NAALADL2: variants seen among roughly 807,000 people sequenced by gnomAD.
The protein encoded by NAALADL2 is inactive N-acetylated-alpha-linked acidic dipeptidase-like protein 2.
Under a neutral mutation model 87.2 loss-of-function variants are expected in NAALADL2, and 76 were observed. The observed-to-expected ratio is 0.87, with a 90% CI of 0.72 to 1.05. NAALADL2 has a LOEUF of 1.05. Ranked by LOEUF, NAALADL2 falls within the 50% of genes least tolerant of loss-of-function variation. The probability of loss-of-function intolerance (pLI) is 0.00; values close to 1 mark genes in which losing one functional copy is unlikely to be tolerated. For missense variants in NAALADL2, 1,089 were observed against 945.8 expected, an observed-to-expected ratio of 1.15 and a Z score of -1.99; for synonymous variants, 354 against 331.0, an observed-to-expected ratio of 1.07 and a Z score of -0.75.
At chr3:175,322,792 C>A (rs1298625267) in intron 4 of NAALADL2, among the ~76,000 whole-genome samples, 1 of 147,298 alleles carries the variant, frequency 6.8e-6, no homozygotes, top group Admixed American at 6.7e-5. Flanking sequence ...TATGAGATAC[C>A]ATCTCACACC....
intron 5 of NAALADL2, among the ~76,000 whole-genome samples, chr3:175,408,256 T>A (rs1224097014): frequency 2.0e-5 from 3 of 152,022 alleles, no homozygotes; most frequent in African/African-American, 7.2e-5. Flanking sequence ...TATTTCAAAA[T>A]TGATAAAAGA....
chr3:175,802,874 C>T (rs991775455), intron 13 of NAALADL2, 131 bp from the exon 14 acceptor site: 1 of 606,002 alleles, frequency 1.7e-6, no homozygotes. Context: ...GTTGAAAAAT[C>T]GTGATATTAT....
intron 1 of NAALADL2, among the ~76,000 whole-genome samples, chr3:174,448,941 C>T (rs1201362625): frequency 6.6e-6 from 1 of 152,094 alleles, no homozygotes; most frequent in Non-Finnish European, 1.5e-5. Flanking sequence ...GTAACTTTCT[C>T]AAGTTTTAAG....
At chr3:175,520,589 C>T (rs528500197) in intron 9 of NAALADL2, among the ~76,000 whole-genome samples, 41 of 152,230 alleles carry the variant, frequency 2.7e-4, no homozygotes, top group African/African-American at 7.0e-4. Context: ...TGAGCCACCG[C>T]GCCCGGCCCA....
At chr3:175,317,262 T>C (rs781212015) in intron 4 of NAALADL2, among the ~76,000 whole-genome samples, 5 of 152,072 alleles carry the variant, frequency 3.3e-5, no homozygotes, top group Non-Finnish European at 5.9e-5. Flanking sequence ...TTCATGAACA[T>C]TGAACAGTCA....
intron 1 of NAALADL2, among the ~76,000 whole-genome samples, chr3:174,946,856 A>G (rs184605708): frequency 3.3e-5 from 5 of 152,328 alleles, no homozygotes; most frequent in African/African-American, 1.2e-4. Flanking sequence ...ATATTCATTT[A>G]TATTGAACAT....
At chr3:175,699,884 T>G (rs1431865985) in intron 11 of NAALADL2, among the ~76,000 whole-genome samples, 1 of 152,126 alleles carries the variant, frequency 6.6e-6, no homozygotes, top group Non-Finnish European at 1.5e-5. Context: ...AACAATATTA[T>G]ACTTGTAATG....
chr3:175,337,205 C>CTTGG (rs1401006450), intron 5 of NAALADL2, among the ~76,000 whole-genome samples: 4 of 148,580 alleles, frequency 2.7e-5, no homozygotes, highest in African/African-American at 9.8e-5. Flanking sequence ...TCAAAAGAGT[C>CTTGG]TTGGTTGGTC....
intron 3 of NAALADL2, among the ~76,000 whole-genome samples, chr3:174,800,150 G>T (rs968011912): frequency 2.6e-5 from 4 of 152,156 alleles, no homozygotes; most frequent in African/African-American, 7.2e-5. Flanking sequence ...TTTCTGATGA[G>T]AAATTCAAAC....
chr3:174,609,135 A>C (rs922249394), intron 2 of NAALADL2, among the ~76,000 whole-genome samples: 7 of 152,196 alleles, frequency 4.6e-5, no homozygotes, highest in African/African-American at 1.4e-4. Flanking sequence ...AAAAACTCTC[A>C]ATAAATTAGG....
At chr3:175,338,353 T>C (rs1414906144) in intron 5 of NAALADL2, among the ~76,000 whole-genome samples, 6 of 151,890 alleles carry the variant, frequency 4.0e-5, no homozygotes, top group Non-Finnish European at 7.4e-5. Context: ...AACCTTTTTT[T>C]AAAAGCCTAC....
At chr3:175,073,798 T>C (rs1484179877) in intron 1 of NAALADL2, among the ~76,000 whole-genome samples, 1 of 152,006 alleles carries the variant, frequency 6.6e-6, no homozygotes, top group Admixed American at 6.6e-5. Context: ...ATTATTTTAT[T>C]ATTAGTTTGA....
intron 1 of NAALADL2, among the ~76,000 whole-genome samples, chr3:175,054,824 C>T (rs1338346005): frequency 3.9e-5 from 6 of 152,136 alleles, no homozygotes; most frequent in African/African-American, 1.2e-4. Context: ...ACTTTGAGGG[C>T]TGTATAACTG....
intron 5 of NAALADL2, among the ~76,000 whole-genome samples, chr3:175,392,239 G>T (rs76276971): frequency 1.3e-5 from 2 of 152,144 alleles, no homozygotes; most frequent in African/African-American, 4.8e-5. Flanking sequence ...CACTTAAGTT[G>T]TGTCTTTTAT....
At chr3:175,743,261 A>T (rs1745489546) in intron 12 of NAALADL2, among the ~76,000 whole-genome samples, 2 of 152,182 alleles carry the variant, frequency 1.3e-5, no homozygotes, top group Non-Finnish European at 2.9e-5. Flanking sequence ...TTGGCCTCCC[A>T]AAGTGCTGGG....
intron 3 of NAALADL2, among the ~76,000 whole-genome samples, chr3:174,757,298 T>G (rs972989912): frequency 6.6e-6 from 1 of 152,118 alleles, no homozygotes; most frequent in African/African-American, 2.4e-5. Flanking sequence ...ACTAAGTACA[T>G]GGATATCATG....
At chr3:175,434,820 T>C (rs1718353213) in intron 5 of NAALADL2, among the ~76,000 whole-genome samples, 1 of 152,040 alleles carries the variant, frequency 6.6e-6, no homozygotes, top group Non-Finnish European at 1.5e-5. Flanking sequence ...TTACATGTAA[T>C]GTGCAGATGG....
At chr3:174,833,419 C>A (rs1303225635) in intron 3 of NAALADL2, among the ~76,000 whole-genome samples, 3 of 152,036 alleles carry the variant, frequency 2.0e-5, no homozygotes, top group Admixed American at 6.6e-5. Context: ...TAGTTAAAAA[C>A]CATTCCAGAA....
At chr3:175,787,067 G>A (rs1181400531) in intron 13 of NAALADL2, among the ~76,000 whole-genome samples, 1 of 151,934 alleles carries the variant, frequency 6.6e-6, no homozygotes, top group Non-Finnish European at 1.5e-5. Flanking sequence ...CAGTCTGCCT[G>A]TTCTCAGATC....
Sources: gnomAD v4.1 joint callset for allele counts (sites outside exome capture counted in the v4.1 genomes callset) on GRCh38, gnomAD v4.1.1 for gene constraint, MANE v1.5 for transcripts, NCBI Gene and HGNC (gene_info 2026-07-23, HGNC 2026-07-21) for gene names.